The following RWDD1 variants were observed in gnomAD, a reference collection of about 807,000 sequenced individuals.
RWDD1 encodes the protein RWD domain containing 1.
Under a neutral mutation model 31.6 loss-of-function variants are expected in RWDD1, and 17 were observed. The ratio of observed to expected loss-of-function variants is 0.54; its 90% confidence interval spans 0.37 to 0.81. The LOEUF is 0.81. Among genes scored for constraint, RWDD1 ranks in the 30% least tolerant of loss-of-function variants. The pLI, the probability that RWDD1 is intolerant of heterozygous loss-of-function variation, is 0.00. For missense variants in RWDD1, 204 were observed against 274.5 expected, an observed-to-expected ratio of 0.74 and a Z score of 1.82; for synonymous variants, 78 against 94.2, an observed-to-expected ratio of 0.83 and a Z score of 0.99.
chr6:116,593,046 A>T lies in RWDD1; in HGVS notation c.677A>T (p.Asp226Val), dbSNP rs1429058123. ...ATGGATGACTTGGAGCTGGAGGATGATGAAGATGATCCAGACTATAATCCT... is the reference window on the plus strand; with the variant it reads ...ATGGATGACTTGGAGCTGGAGGATGTTGAAGATGATCCAGACTATAATCCT... ...QEMDDLELEDDEDDPDYNPAD... is the reference protein window; with the variant it reads ...QEMDDLELEDVEDDPDYNPAD... The change falls in exon 7 of 7, where the codon GAT becomes GTT. Residue 226 changes from aspartate (D) to valine (V), a missense_variant. Physicochemically the swap from Asp to Val is radical, Grantham distance 152. Coordinates refer to ENST00000466444, the MANE Select transcript of RWDD1 (RefSeq NM_015952.4). 6.2e-7 allele frequency: 1 copy of T among 1,613,682 alleles called. No individual in the cohort carries two copies. Among genetic ancestry groups the T allele is most frequent in the Non-Finnish European group, 8.5e-7 (1 of 1,179,908 alleles).
chr6:116,571,561 A>G lies in RWDD1; in HGVS notation c.-22A>G, dbSNP rs775932589. ...CGCCGCCTAGGTGTCTGGGCGATCT[A>G]TGGGCAAGAGCAAGGGCCACGATGA... On this transcript the variant is annotated 5_prime_UTR_variant, in exon 1 of 7. An upstream start codon of the reference 5' UTR is lost. Transcript: ENST00000466444. The G allele has an allele frequency of 4.0e-5, 64 of 1,610,952 alleles. No individual in the cohort carries two copies. The highest frequency in any genetic ancestry group is 2.4e-4 in the Admixed American group (14 of 59,560).
At chr6:116,582,331 A>G (rs1175678371) in intron 2 of RWDD1, among the ~76,000 whole-genome samples, 1 of 151,886 alleles carries the variant, frequency 6.6e-6, no homozygotes, top group East Asian at 1.9e-4. Flanking sequence ...ATCAATTTGC[A>G]ATTATTTACA....
At chr6:116,575,232 T>G (rs1460849580) in intron 1 of RWDD1, among the ~76,000 whole-genome samples, 1 of 151,702 alleles carries the variant, frequency 6.6e-6, no homozygotes, top group Non-Finnish European at 1.5e-5. Flanking sequence ...GATTACAGGG[T>G]GTGCCACCAT....
intron 2 of RWDD1, among the ~76,000 whole-genome samples, chr6:116,583,905 C>T (rs1310421783): frequency 1.3e-5 from 2 of 151,880 alleles, no homozygotes; most frequent in Non-Finnish European, 2.9e-5. Flanking sequence ...TTTTTTTCCC[C>T]GTCCATGAAG....
chr6:116,574,004 T>G, intron 1 of RWDD1: 1 of 984,514 alleles, frequency 1.0e-6, no homozygotes, highest in Non-Finnish European at 1.2e-6. Flanking sequence ...GTGTTGCATT[T>G]GTTGTGATTA....
rs1014145289 is a variant in RWDD1, at chr6:116,594,732, T to A, written c.*1631T>A. On this transcript the variant is annotated 3_prime_UTR_variant, in exon 7 of 7. Coordinates refer to ENST00000466444, the MANE Select transcript of RWDD1 (RefSeq NM_015952.4). The stretch of plus-strand genomic sequence containing the variant: ...GCCAGTCTTCATGCAAGTTATTCAG[T>A]CACTACAGTTTTGGAGGACTGACTC... 3.9e-5 allele frequency: 6 copies of A among 152,210 alleles called. No individual in the cohort carries two copies. Among genetic ancestry groups the A allele is most frequent in the Non-Finnish European group, 2.9e-5 (2 of 68,040 alleles). The allele number at this position is 152,210 out of a possible 1,614,324, so 9.4% of individuals were successfully genotyped here.
chr6:116,582,727 T>A (rs956884627), intron 2 of RWDD1, among the ~76,000 whole-genome samples: 1 of 152,036 alleles, frequency 6.6e-6, no homozygotes, highest in African/African-American at 2.4e-5. Context: ...TTTTCTATTG[T>A]TTTTCTGATG....
At chr6:116,592,814 C>G (rs1188967880) in intron 6 of RWDD1, among the ~76,000 whole-genome samples, 166 bp from the exon 7 acceptor site, 1 of 152,146 alleles carries the variant, frequency 6.6e-6, no homozygotes, top group Non-Finnish European at 1.5e-5. Context: ...AGAGTCTCTA[C>G]TGACCAATGC....
rs1030112650 is a variant in RWDD1 at position 116,593,984 on chromosome 6, T to A, written c.*883T>A. On this transcript the variant is annotated 3_prime_UTR_variant, in exon 7 of 7. Transcript: ENST00000466444. ...GGTTTATTTGGCTCATAATTCTGGATGACCAGAAAGTTGAAGATTGGGTAT... is the reference window on the plus strand; with the variant it reads ...GGTTTATTTGGCTCATAATTCTGGAAGACCAGAAAGTTGAAGATTGGGTAT... 6.9e-6 allele frequency: 1 copy of A among 145,534 alleles called. No individual in the cohort carries two copies. Among genetic ancestry groups the A allele is most frequent in the African/African-American group, 2.7e-5 (1 of 36,922 alleles). 9.0% of individuals were successfully genotyped at this position (145,534 alleles called of 1,614,324 possible). A position where few individuals can be genotyped will look rare whatever the true frequency, so the allele number is the denominator to read the frequency against.
intron 5 of RWDD1, 32 bp downstream of exon 5, chr6:116,590,436 A>G: frequency 3.2e-6 from 5 of 1,547,928 alleles, no homozygotes; most frequent in Non-Finnish European, 4.3e-6. Flanking sequence ...TGTTCTTCCT[A>G]AACCCTCCTG....
At chr6:116,589,628 C>T (rs962968311) in intron 4 of RWDD1, among the ~76,000 whole-genome samples, 1 of 152,064 alleles carries the variant, frequency 6.6e-6, no homozygotes, top group African/African-American at 2.4e-5. Context: ...TGTATTAGTT[C>T]GTTTTCATGC....
At chr6:116,585,674 TG>T (rs1308822327) in intron 3 of RWDD1, among the ~76,000 whole-genome samples, 1 of 152,248 alleles carries the variant, frequency 6.6e-6, no homozygotes, top group Non-Finnish European at 1.5e-5. Flanking sequence ...TAGAAATATC[TG>T]GAGCTGTTGT....
At chr6:116,577,032 C>T (rs1423657941) in intron 1 of RWDD1, among the ~76,000 whole-genome samples, 2 of 152,186 alleles carry the variant, frequency 1.3e-5, no homozygotes, top group African/African-American at 2.4e-5. Context: ...ACATCAGACT[C>T]AGATTCTAAT....
chr6:116,589,383 A>G (rs754676325), intron 4 of RWDD1, among the ~76,000 whole-genome samples: 2 of 152,220 alleles, frequency 1.3e-5, no homozygotes, highest in African/African-American at 2.4e-5. Context: ...ACATGTTTTA[A>G]GACAGTTTAC....
At chr6:116,588,771 G>A (rs1775084018) in intron 3 of RWDD1, 71 bp from the exon 4 acceptor site, 2 of 1,078,304 alleles carry the variant, frequency 1.9e-6, no homozygotes, top group South Asian at 3.7e-5. Flanking sequence ...AACCAAATTA[G>A]TAATTATTAT....
chr6:116,592,404 A>C (rs1775160368), intron 6 of RWDD1, among the ~76,000 whole-genome samples: 1 of 152,156 alleles, frequency 6.6e-6, no homozygotes, highest in African/African-American at 2.4e-5. Context: ...AGAGCCAGTT[A>C]TTCTTTGGCC....
chr6:116,590,934 C>A lies in RWDD1; in HGVS notation c.594C>A (p.Ile198=). Residue 198 remains isoleucine (I), a synonymous_variant, in exon 6 of 7, where the codon ATC becomes ATA. Coordinates refer to ENST00000466444, the MANE Select transcript of RWDD1 (RefSeq NM_015952.4). ...ATCATAATCTTGACACATCTGATAT[C>A]CAGTTCTTGGAGGATGGTAAGATAA... ...ETDHNLDTSD[I]QFLEDAGNNV... 6.4e-7 allele frequency: 1 copy of A among 1,573,900 alleles called. No homozygotes were observed. Among genetic ancestry groups the A allele is most frequent in the South Asian group, 1.2e-5 (1 of 84,402 alleles).
intron 6 of RWDD1, among the ~76,000 whole-genome samples, chr6:116,591,683 A>T (rs1775147731): frequency 6.6e-6 from 1 of 152,252 alleles, no homozygotes; most frequent in Non-Finnish European, 1.5e-5. Flanking sequence ...TCGGGAGCTT[A>T]TGGCCTACAT....
At chr6:116,580,432 G>A in intron 2 of RWDD1, 72 bp downstream of exon 2, 1 of 1,122,884 alleles carries the variant, frequency 8.9e-7, no homozygotes, top group Non-Finnish European at 1.3e-6. Flanking sequence ...TAGGCATTAT[G>A]CTGGATATTG....
Sources: gnomAD v4.1 joint callset for allele counts (sites outside exome capture counted in the v4.1 genomes callset) on GRCh38, gnomAD v4.1.1 for gene constraint, MANE v1.5 for transcripts, NCBI Gene and HGNC (gene_info 2026-07-23, HGNC 2026-07-21) for gene names.